Variants in PLCE1 observed in about 807,000 individuals in gnomAD.
The protein encoded by PLCE1 is phospholipase C epsilon 1, also known as 1-phosphatidylinositol 4,5-bisphosphate phosphodiesterase epsilon-1.
PLCE1 carries 119 observed loss-of-function variants against 242.8 expected under a neutral mutation model. The ratio of observed to expected loss-of-function variants is 0.49; its 90% CI spans 0.42 to 0.57. The LOEUF (loss-of-function observed/expected upper bound fraction) is 0.57, where lower values mean the gene tolerates loss of function less well. Among genes scored for constraint, PLCE1 ranks in the 20% least tolerant of loss-of-function variants. PLCE1 has a pLI of 0.00. For missense variants in PLCE1, 2,441 were observed against 2,788.8 expected (o/e 0.88, Z 2.81); for synonymous variants, 945 against 1,017.4 (o/e 0.93, Z 1.35).
chr10:94,235,845 AT>A, intron 6 of PLCE1, 69 bp from the exon 7 acceptor site: 1 of 1,515,284 alleles, frequency 6.6e-7, no homozygotes, highest in Non-Finnish European at 9.1e-7. Flanking sequence ...TTATGATTTC[AT>A]TTCCCTAGCC....
chr10:94,001,455 T>C (rs1272943007), intron 1 of PLCE1, among the ~76,000 whole-genome samples: 1 of 152,162 alleles, frequency 6.6e-6, no homozygotes. Flanking sequence ...AGCCACATAA[T>C]AATAATAAAA....
At chr10:94,027,146 T>C (rs932778124) in intron 1 of PLCE1, among the ~76,000 whole-genome samples, 2 of 152,194 alleles carry the variant, frequency 1.3e-5, no homozygotes, top group Non-Finnish European at 2.9e-5. Flanking sequence ...TTCCTACTTA[T>C]CTTTTGAAAC....
At chr10:94,225,641 A>G (rs191722896) in intron 4 of PLCE1, among the ~76,000 whole-genome samples, 3 of 152,292 alleles carry the variant, frequency 2.0e-5, no homozygotes, top group East Asian at 3.9e-4. Context: ...AAAAAGGAAG[A>G]AAGAAAGAAA....
chr10:94,141,502 G>A (rs898934376), intron 3 of PLCE1, among the ~76,000 whole-genome samples: 1 of 150,508 alleles, frequency 6.6e-6, no homozygotes, highest in African/African-American at 2.4e-5. Context: ...TGAAGGGAAG[G>A]CGAAGGGAAG....
chr10:94,185,913 A>G (rs2048463644), intron 4 of PLCE1, among the ~76,000 whole-genome samples: 1 of 152,242 alleles, frequency 6.6e-6, no homozygotes, highest in South Asian at 2.1e-4. Flanking sequence ...CACCAAATGT[A>G]AGAATCCCTT....
At chr10:94,285,250 A>T (rs2052397369) in intron 22 of PLCE1, among the ~76,000 whole-genome samples, 1 of 152,190 alleles carries the variant, frequency 6.6e-6, no homozygotes, top group South Asian at 2.1e-4. Flanking sequence ...AATGTATTAA[A>T]TACTTAAGTA....
intron 4 of PLCE1, among the ~76,000 whole-genome samples, chr10:94,174,501 A>G (rs2048072008): frequency 6.6e-6 from 1 of 152,200 alleles, no homozygotes; most frequent in African/African-American, 2.4e-5. Flanking sequence ...CAAGGTATTT[A>G]TTAATACAAA....
chr10:94,126,180 AT>A (rs2046430497), intron 2 of PLCE1, among the ~76,000 whole-genome samples: 1 of 152,120 alleles, frequency 6.6e-6, no homozygotes, highest in African/African-American at 2.4e-5. Flanking sequence ...GTGTCAAATC[AT>A]TTTGCCCAAA....
intron 14 of PLCE1, among the ~76,000 whole-genome samples, chr10:94,263,028 C>G (rs192194071): frequency 2.2e-4 from 34 of 151,896 alleles, no homozygotes; most frequent in African/African-American, 7.7e-4. Context: ...TGCGCCACCA[C>G]GCCCAGCTAA....
At chr10:94,152,164 A>G (rs557418367) in intron 3 of PLCE1, among the ~76,000 whole-genome samples, 30 of 152,294 alleles carry the variant, frequency 2.0e-4, no homozygotes, top group African/African-American at 7.2e-4. Context: ...GACAAATAGG[A>G]CTTAATTAAA....
At position 94,332,513 on chromosome 10, in the gene PLCE1, G is replaced by GCC. The variant is rs1357865673; in HGVS notation, c.*4570_*4571insCC. ...TCAGGATATGTGTGTGCCTGTGTGTGTGTGTGTGTGTGTGTGTGTGTGTGT... is the reference window on the plus strand; with the variant it reads ...TCAGGATATGTGTGTGCCTGTGTGTGCCTGTGTGTGTGTGTGTGTGTGTGTGT... On this transcript the variant is annotated 3_prime_UTR_variant, in exon 33 of 33. Coordinates refer to ENST00000371380, the MANE Select transcript of PLCE1 (RefSeq NM_016341.4). 15 of 112,448 alleles carry GCC rather than the reference G, an allele frequency of 1.3e-4. No homozygotes were observed. The highest frequency in any genetic ancestry group is 8.4e-4 in the Admixed American group (10 of 11,916). The allele number at this position is 112,448 out of a possible 1,614,324, so 7.0% of individuals were successfully genotyped here. A position where few individuals can be genotyped will look rare whatever the true frequency, so the allele number is the denominator to read the frequency against.
intron 23 of PLCE1, among the ~76,000 whole-genome samples, chr10:94,294,571 T>C (rs539924544): frequency 2.4e-4 from 36 of 152,204 alleles, no homozygotes; most frequent in Non-Finnish European, 4.6e-4. Flanking sequence ...CCAGTACATA[T>C]AAAAGTTATG....
chr10:94,197,447 C>T (rs1358573515), intron 4 of PLCE1, among the ~76,000 whole-genome samples: 4 of 152,180 alleles, frequency 2.6e-5, no homozygotes, highest in Non-Finnish European at 5.9e-5. Flanking sequence ...TTCCCACCAA[C>T]AATGTATGAG....
Position 94,329,017 on chromosome 10 carries a change from ATTT to A in PLCE1, c.*1075_*1077del, listed in dbSNP as rs2133961023. 1 of 152,286 alleles carries A rather than the reference ATTT, an allele frequency of 6.6e-6. No individual in the cohort carries two copies. Among genetic ancestry groups the A allele is most frequent in the Non-Finnish European group, 1.5e-5 (1 of 68,008 alleles). The allele number at this position is 152,286 out of a possible 1,614,324, so 9.4% of individuals were successfully genotyped here. ...GTTTGTACTGACACTATACTTATAT[ATTT>A]ATTATACATCGCTCTCTTGATATTG... On this transcript the variant is annotated 3_prime_UTR_variant, in exon 33 of 33. Transcript: ENST00000371380.
intron 9 of PLCE1, 46 bp from the exon 10 acceptor site, chr10:94,254,144 G>C (rs536045335): frequency 2.9e-6 from 4 of 1,359,786 alleles, no homozygotes; most frequent in Middle Eastern, 1.8e-4. Context: ...AGCAGTGATG[G>C]GAGAGAAATA....
Position 94,246,192 on chromosome 10 carries a change from C to T in PLCE1, c.2667C>T (p.Ser889=). ...RCFLQLQPDN[S]TLTWVKPTTA... Reference sequence around the variant, plus strand: ...TCCTCCAGCTTCAGCCCGACAATAGCACCTTGACCTGGGTAAAGCCCACAA... The same window carrying T: ...TCCTCCAGCTTCAGCCCGACAATAGTACCTTGACCTGGGTAAAGCCCACAA... The change falls in exon 8 of 33, where the codon AGC becomes AGT. Residue 889 remains serine, a synonymous_variant. Transcript: ENST00000371380. The T allele has an allele frequency of 6.2e-7, 1 of 1,614,164 alleles. No homozygotes were observed. Among genetic ancestry groups the T allele is most frequent in the Non-Finnish European group, 8.5e-7 (1 of 1,180,014 alleles).
chr10:94,049,415 T>A (rs1299483652), intron 2 of PLCE1, among the ~76,000 whole-genome samples: 1 of 152,182 alleles, frequency 6.6e-6, no homozygotes, highest in East Asian at 1.9e-4. Context: ...ATCTGACATG[T>A]CACCTCTATC....
intron 7 of PLCE1, among the ~76,000 whole-genome samples, chr10:94,237,499 G>A (rs865882127): frequency 6.6e-6 from 1 of 151,892 alleles, no homozygotes. Context: ...ATTTTATCAC[G>A]TACATCCTAA....
chr10:94,150,033 T>C (rs1418323615), intron 3 of PLCE1, among the ~76,000 whole-genome samples: 9 of 152,218 alleles, frequency 5.9e-5, no homozygotes, highest in African/African-American at 1.9e-4. Context: ...GAATGAGCCA[T>C]GTGTCTTATG....
Sources: allele counts gnomAD v4.1 joint callset (sites outside exome capture counted in the v4.1 genomes callset), GRCh38; gene constraint gnomAD v4.1.1; transcripts MANE v1.5; gene names NCBI Gene and HGNC (gene_info 2026-07-23, HGNC 2026-07-21).